Variants in THPO observed in about 807,000 individuals in gnomAD.
The protein encoded by THPO is MPL ligand.
In THPO, 12 loss-of-function variants were observed where a neutral mutation model predicts 17.0. That is an observed-to-expected ratio of 0.71 (90% CI 0.45 to 1.14). The LOEUF is 1.14. THPO is among the 50% of genes most tolerant of loss of function. THPO has a pLI of 0.00. For synonymous variants in THPO, 188 were observed against 183.0 expected, an observed-to-expected ratio of 1.03 and a Z score of -0.22; for missense variants, 365 against 427.5, an observed-to-expected ratio of 0.85 and a Z score of 1.29.
rs368995621 is a variant in THPO, at chr3:184,375,621, G to C, written c.142-20C>G. 2.5e-6 allele frequency: 4 copies of C among 1,612,742 alleles called. No homozygotes were observed. The highest frequency in any genetic ancestry group is 1.7e-5 in the Admixed American group (1 of 60,010). ...CTGGCTCTGTTGAAAAAGATTGGTG[G>C]GGGGAGAAGGGAGCTGAAATAGAGA... is the stretch of plus-strand genomic sequence containing the variant. On this transcript the variant is annotated intron_variant, in intron 3 of 5. Coordinates refer to ENST00000647395, the MANE Select transcript of THPO (RefSeq NM_000460.4).
intron 4 of THPO, among the ~76,000 whole-genome samples, chr3:184,373,998 C>T (rs1714181642): frequency 6.6e-6 from 1 of 152,180 alleles, no homozygotes; most frequent in East Asian, 1.9e-4. Context: ...GAGGCTGAGG[C>T]AGGTGGATCA....
chr3:184,375,818 G>T, intron 3 of THPO, 70 bp downstream of exon 3: 1 of 1,601,258 alleles, frequency 6.2e-7, no homozygotes, highest in Admixed American at 1.7e-5. Flanking sequence ...AGGAAGTGAT[G>T]GTGTCTTCCT....
intron 4 of THPO, among the ~76,000 whole-genome samples, chr3:184,374,287 G>A (rs1714204427): frequency 6.6e-6 from 1 of 152,134 alleles, no homozygotes; most frequent in South Asian, 2.1e-4. Context: ...TGATCATAAG[G>A]ATGAAAAGAA....
chr3:184,373,000 A>T lies in THPO; in HGVS notation c.575T>A (p.Leu192Gln). 1 of 1,614,156 alleles carries T rather than the reference A, an allele frequency of 6.2e-7. No homozygotes were observed. The highest frequency in any genetic ancestry group is 1.6e-4 in the Middle Eastern group (1 of 6,062). The change falls in exon 6 of 6, where the codon CTG (leucine) becomes CAG (glutamine). Residue 192 changes from leucine to glutamine, a missense_variant. Leu to Gln is a moderately radical substitution (Grantham distance 113, BLOSUM62 -2). Coordinates refer to ENST00000647395, the MANE Select transcript of THPO (RefSeq NM_000460.4). ...VPSRTSLVLT[L>Q]NELPNRTSGL... ...AGAAGTCCTGTTTGGGAGCTCGTTC[A>T]GTGTGAGGACTAGAGAGGTTCTGCT... is the stretch of plus-strand genomic sequence containing the variant.
intron 4 of THPO, among the ~76,000 whole-genome samples, 194 bp downstream of exon 4, chr3:184,375,321 A>G (rs1172233241): frequency 6.6e-6 from 1 of 152,198 alleles, no homozygotes; most frequent in Non-Finnish European, 1.5e-5. Context: ...CTTCAAATCT[A>G]TTCACATATT....
chr3:184,373,551 G>A lies in THPO; in HGVS notation c.260C>T (p.Ala87Val). 1 of 1,614,148 alleles carries A rather than the reference G, an allele frequency of 6.2e-7. No individual in the cohort carries two copies. The change falls in exon 5 of 6, where the codon GCA (alanine) becomes GTA (valine). Residue 87 changes from alanine to valine, a missense_variant. Ala to Val is a moderately conservative substitution (Grantham distance 64). Coordinates refer to ENST00000647395, the MANE Select transcript of THPO (RefSeq NM_000460.4). ...EETKAQDILG[A>V]VTLLLEGVMA... is the part of the protein sequence containing the mutation. Reference sequence around the variant, plus strand: ...CACTCCCTCCAGCAGAAGGGTCACTGCTCCCAGAATGTCCTGTGCCTTGGT... The same window carrying A: ...CACTCCCTCCAGCAGAAGGGTCACTACTCCCAGAATGTCCTGTGCCTTGGT...
Position 184,373,484 on chromosome 3 carries a change from G to A in THPO, c.327C>T (p.Ser109=). Residue 109 remains serine, a synonymous_variant, in exon 5 of 6, where the codon TCC becomes TCT. Transcript: ENST00000647395. ...CCTGTCCAGAAAGCTGCCCCAGGAG[G>A]GATGAGAGGCAAGTGGGTCCCAGTT... ...RGQLGPTCLS[S]LLGQLSGQVR... 1 of 1,614,164 alleles carries A rather than the reference G, an allele frequency of 6.2e-7. No homozygotes were observed. The highest frequency in any genetic ancestry group is 8.5e-7 in the Non-Finnish European group (1 of 1,180,032).
At chr3:184,378,423 C>T, upstream of THPO, 2 of 983,162 alleles carry the variant, frequency 2.0e-6, no homozygotes, top group Non-Finnish European at 2.4e-6. Flanking sequence ...AGGAATCTGG[C>T]AGGACATTTG....
At chr3:184,373,263 G>A in intron 5 of THPO, 85 bp from the exon 6 acceptor site, 2 of 1,584,784 alleles carry the variant, frequency 1.3e-6, no homozygotes, top group Middle Eastern at 1.7e-4. Flanking sequence ...CAGGATGCCA[G>A]TACCCAGGCA....
upstream of THPO, chr3:184,378,780 C>T: frequency 8.1e-6 from 8 of 985,146 alleles, no homozygotes; most frequent in Non-Finnish European, 9.6e-6. Context: ...CTGCTGGGGT[C>T]CAGTGGCTTA....
upstream of THPO, chr3:184,378,497 T>C: frequency 1.4e-6 from 1 of 691,882 alleles, no homozygotes; most frequent in Non-Finnish European, 1.8e-6. Flanking sequence ...TCCCTGGCTA[T>C]CCAAATTTCT....
rs544021279 is a variant in THPO at position 184,375,620 on chromosome 3, G to C, written c.142-19C>G. ...ACTGGCTCTGTTGAAAAAGATTGGTGGGGGGAGAAGGGAGCTGAAATAGAG... is the reference window on the plus strand; with the variant it reads ...ACTGGCTCTGTTGAAAAAGATTGGTCGGGGGAGAAGGGAGCTGAAATAGAG... On this transcript the variant is annotated intron_variant, in intron 3 of 5. Transcript: ENST00000647395. The C allele has an allele frequency of 4.3e-6, 7 of 1,611,856 alleles. No homozygotes were observed. Among genetic ancestry groups the C allele is most frequent in the East Asian group, 2.2e-5 (1 of 44,874 alleles).
upstream of THPO, among the ~76,000 whole-genome samples, chr3:184,379,102 C>T (rs1371909022): frequency 6.6e-6 from 1 of 152,182 alleles, no homozygotes; most frequent in Non-Finnish European, 1.5e-5. Flanking sequence ...CAGGCTCTCT[C>T]CTGTTCCTCC....
intron 3 of THPO, 67 bp from the exon 4 acceptor site, chr3:184,375,668 C>CTTATT: frequency 1.3e-6 from 2 of 1,535,642 alleles, no homozygotes; most frequent in Non-Finnish European, 1.8e-6. Flanking sequence ...GCCTAATAAG[C>CTTATT]AGGCTAGTCC....
intron 4 of THPO, 74 bp from the exon 5 acceptor site, chr3:184,373,656 T>G: frequency 6.6e-7 from 1 of 1,525,702 alleles, no homozygotes; most frequent in Non-Finnish European, 8.9e-7. Flanking sequence ...GCCTTAGGAG[T>G]AGCCAGCAGA....
At position 184,376,350 on chromosome 3, in the gene THPO, C is replaced by T. The variant is rs1042017497; in HGVS notation, c.-91G>A. 3.1e-6 allele frequency: 5 copies of T among 1,613,510 alleles called. No homozygotes were observed. Among genetic ancestry groups the T allele is most frequent in the Non-Finnish European group, 1.7e-6 (2 of 1,179,956 alleles). On this transcript the variant is annotated 5_prime_UTR_variant, in exon 2 of 6. Coordinates refer to ENST00000647395, the MANE Select transcript of THPO (RefSeq NM_000460.4). ...GCCATGGAGGCGGCTTAGGCTCTTG[C>T]ACTTCTGGGCAGAGTAGGGTGGGGC...
At position 184,376,018 on chromosome 3, in the gene THPO, TA is replaced by T. The variant is rs1398370804; in HGVS notation, c.14-4del. ...AAGCATGACCACGAGGAGCAATTCT[TA>T]GATGAGGAGAGGTGAGGTTGAAAGA... On this transcript the variant is annotated splice_polypyrimidine_tract_variant and splice_region_variant and intron_variant, in intron 2 of 5. Coordinates refer to ENST00000647395, the MANE Select transcript of THPO (RefSeq NM_000460.4). 6.2e-7 allele frequency: 1 copy of T among 1,613,980 alleles called. No homozygotes were observed.
chr3:184,377,744 T>A (rs142258889), intron 1 of THPO, among the ~76,000 whole-genome samples: 2,064 of 152,252 alleles, frequency 0.014, 20 homozygotes, highest in Non-Finnish European at 0.02. Context: ...AGAATGGGGA[T>A]TGGGGCTGTG....
At position 184,375,925 on chromosome 3, in the gene THPO, T is replaced by C; in HGVS notation, c.104A>G (p.Lys35Arg). The C allele has an allele frequency of 6.2e-7, 1 of 1,613,532 alleles. No individual in the cohort carries two copies. Among genetic ancestry groups the C allele is most frequent in the South Asian group, 1.1e-5 (1 of 91,050 alleles). ...PPACDLRVLSKLLRDSHVLHS... is the reference protein window; with the variant it reads ...PPACDLRVLSRLLRDSHVLHS... ...AAGGACATGGGAGTCACGAAGCAGT[T>C]TACTGAGGACTCGGAGGTCACAAGC... The change falls in exon 3 of 6, where the codon AAA becomes AGA. Residue 35 changes from lysine to arginine, a missense_variant. By Grantham distance (26) the Lys-to-Arg change is conservative. Transcript: ENST00000647395.
Sources: gnomAD v4.1 joint callset for allele counts (sites outside exome capture counted in the v4.1 genomes callset) on GRCh38, gnomAD v4.1.1 for gene constraint, MANE v1.5 for transcripts, NCBI Gene and HGNC (gene_info 2026-07-23, HGNC 2026-07-21) for gene names.